The following FAM149A variants were observed in gnomAD, a reference collection of about 807,000 sequenced individuals.
FAM149A encodes the protein family with sequence similarity 149 member A, also known as protein FAM149A.
Under a neutral mutation model 78.2 loss-of-function variants are expected in FAM149A, and 71 were observed. That is an observed-to-expected ratio of 0.91 (90% CI 0.75 to 1.11). FAM149A has a LOEUF of 1.11. Among genes scored for constraint, FAM149A ranks in the 50% least tolerant of loss-of-function variants. FAM149A has a pLI of 0.00. For missense variants in FAM149A, 1,036 were observed against 971.0 expected, an observed-to-expected ratio of 1.07 and a Z score of -0.89; for synonymous variants, 446 against 410.5, an observed-to-expected ratio of 1.09 and a Z score of -1.04.
rs1733623169 is a variant in FAM149A, at chr4:186,152,057, G to T, written c.932+12G>T. On this transcript the variant is annotated intron_variant, in intron 4 of 13. Transcript: ENST00000389354. Reference sequence around the variant, plus strand: ...TCCCTCCATTTGAGGTGGGACCTTGGTGGTGGAAGTTCTCTGGGGTGGGTT... The same window carrying T: ...TCCCTCCATTTGAGGTGGGACCTTGTTGGTGGAAGTTCTCTGGGGTGGGTT... 3.1e-6 allele frequency: 5 copies of T among 1,612,958 alleles called. No individual in the cohort carries two copies. Among genetic ancestry groups the T allele is most frequent in the Non-Finnish European group, 4.2e-6 (5 of 1,179,888 alleles).
intron 4 of FAM149A, chr4:186,153,410 G>C (rs1733771154): frequency 1.0e-6 from 1 of 985,044 alleles, no homozygotes; most frequent in Admixed American, 6.2e-5. Context: ...TTTTGCAAAT[G>C]AAAGACAAAC....
At position 186,149,165 on chromosome 4, in the gene FAM149A, A is replaced by C. The variant is rs754054209; in HGVS notation, c.567-8A>C. 2.4e-6 allele frequency: 3 copies of C among 1,273,968 alleles called. No homozygotes were observed. The South Asian group carries it at 3.9e-5, about 17-fold the overall frequency. The allele number at this position is 1,273,968 out of a possible 1,614,324, so 78.9% of individuals were successfully genotyped here. ...AGGGAGACTCGTCATGTTTTATTTT[A>C]TTTCCAGAAGAGGACTGTCAGAAGG... On this transcript the variant is annotated splice_polypyrimidine_tract_variant and splice_region_variant and intron_variant, in intron 1 of 13. Coordinates refer to ENST00000389354, the MANE Select transcript of FAM149A (RefSeq NM_001367768.3).
chr4:186,153,141 G>A (rs899736149), intron 4 of FAM149A: 4 of 387,624 alleles, frequency 1.0e-5, no homozygotes, highest in East Asian at 3.2e-4. Context: ...CCAGAAATTC[G>A]GGAGCTCACA....
chr4:186,157,473 A>T, intron 7 of FAM149A, 92 bp from the exon 8 acceptor site: 1 of 1,334,538 alleles, frequency 7.5e-7, no homozygotes. Flanking sequence ...GTGGTAGCTC[A>T]AGCACACATA....
intron 1 of FAM149A, among the ~76,000 whole-genome samples, chr4:186,121,953 C>T (rs1265754983): frequency 6.6e-6 from 1 of 152,182 alleles, no homozygotes; most frequent in African/African-American, 2.4e-5. Context: ...GCCGACCAAC[C>T]CAGATCCAGC....
At chr4:186,120,793 CAAAA>C (rs555497937) in intron 1 of FAM149A, among the ~76,000 whole-genome samples, 1 of 66,078 alleles carries the variant, frequency 1.5e-5, no homozygotes. Context: ...GACTCCATCT[CAAAA>C]AAAAAAAAAA....
intron 1 of FAM149A, among the ~76,000 whole-genome samples, chr4:186,111,424 CT>C (rs2099311234): frequency 6.6e-6 from 1 of 151,948 alleles, no homozygotes; most frequent in Non-Finnish European, 1.5e-5. Context: ...TCAATTTTGT[CT>C]TTTGTTGCCA....
At chr4:186,157,490 T>A (rs1734136624) in intron 7 of FAM149A, 75 bp from the exon 8 acceptor site, 1 of 1,472,082 alleles carries the variant, frequency 6.8e-7, no homozygotes, top group East Asian at 2.3e-5. Flanking sequence ...CATATTCTCT[T>A]TCAAGAGTGA....
At chr4:186,153,809 C>A in intron 5 of FAM149A, 39 bp downstream of exon 5, 2 of 1,567,038 alleles carry the variant, frequency 1.3e-6, no homozygotes, top group Non-Finnish European at 1.7e-6. Flanking sequence ...GTATTGTTAG[C>A]TGTATTTTAG....
At chr4:186,123,455 G>C in intron 1 of FAM149A, 2 of 781,488 alleles carry the variant, frequency 2.6e-6, no homozygotes, top group South Asian at 5.8e-5. Context: ...GAAATGCAAG[G>C]CCCTTCATGG....
intron 7 of FAM149A, 83 bp from the exon 8 acceptor site, chr4:186,157,482 T>C (rs944641357): frequency 1.9e-5 from 27 of 1,411,624 alleles, no homozygotes; most frequent in Non-Finnish European, 2.7e-5. Context: ...CAAGCACACA[T>C]ATTCTCTTTC....
intron 13 of FAM149A, chr4:186,169,061 C>A (rs757970338): frequency 6.3e-6 from 2 of 317,028 alleles, no homozygotes; most frequent in South Asian, 2.5e-4. Context: ...GACTACAGCA[C>A]GCCGAGTGGA....
At chr4:186,112,994 C>A (rs2099311941) in intron 1 of FAM149A, among the ~76,000 whole-genome samples, 1 of 140,144 alleles carries the variant, frequency 7.1e-6, no homozygotes, top group South Asian at 2.5e-4. Context: ...CCTTGTACCT[C>A]TGATAGAATT....
chr4:186,108,667 T>G (rs1401570), intron 1 of FAM149A, among the ~76,000 whole-genome samples: 92,170 of 151,782 alleles, frequency 0.61, 28,786 homozygotes, highest in East Asian at 0.7. Context: ...TCACCTCACT[T>G]TCCTGCATCC....
chr4:186,130,293 C>CTCTCTCTCTATATA, intron 1 of FAM149A: 190 of 46,548 alleles, frequency 4.1e-3, no homozygotes, highest in Admixed American at 0.019. Flanking sequence ...CTCTCTCTCT[C>CTCTCTCTCTATATA]TATATATATA....
rs961189250 is a variant in FAM149A at position 186,144,744 on chromosome 4, G to A, written c.567-4429G>A. 3.4e-6 allele frequency: 3 copies of A among 889,752 alleles called. No homozygotes were observed. The African/African-American group carries it at 5.5e-5, about 16-fold the overall frequency. The allele number at this position is 889,752 out of a possible 1,614,324, so 55.1% of individuals were successfully genotyped here. On this transcript the variant is annotated intron_variant, in intron 1 of 13. Coordinates refer to ENST00000389354, the MANE Select transcript of FAM149A (RefSeq NM_001367768.3). The surrounding 1 kb of genome is among the most constrained non-coding windows in gnomAD (Gnocchi z 4.2). ...GGCGCGGGGCCGGGGCCGGGGCCGG[G>A]GCCCGGAGCGGGGATGGGCGGGCGC... is the stretch of plus-strand genomic sequence containing the variant.
At chr4:186,122,258 A>G (rs1331652054) in intron 1 of FAM149A, among the ~76,000 whole-genome samples, 4 of 152,236 alleles carry the variant, frequency 2.6e-5, no homozygotes, top group African/African-American at 9.6e-5. Context: ...AAGGCGGAAG[A>G]ACCATTTTCT....
chr4:186,105,495 TC>T lies in FAM149A; in HGVS notation c.423del (p.Arg142GlyfsTer62). 2 of 1,194,582 alleles carry T rather than the reference TC, an allele frequency of 1.7e-6. No homozygotes were observed. Among genetic ancestry groups the T allele is most frequent in the Non-Finnish European group, 2.1e-6 (2 of 950,012 alleles). The allele number at this position is 1,194,582 out of a possible 1,614,324, so 74.0% of individuals were successfully genotyped here. ...GGCCCCGGCGGGGTCTGGGCCGCGC[TC>T]CCCAGGAACCCGCTCCAGCCTGGCC... is the stretch of plus-strand genomic sequence containing the variant. On this transcript the variant is annotated frameshift_variant, in exon 1 of 14. Transcript: ENST00000389354. LOFTEE classifies it high-confidence loss of function.
At chr4:186,163,070 G>A in intron 9 of FAM149A, 122 bp downstream of exon 9, 1 of 669,284 alleles carries the variant, frequency 1.5e-6, no homozygotes, top group Non-Finnish European at 2.7e-6. Flanking sequence ...CTTCAGATGT[G>A]CCTGAGCACG....
Sources: allele counts gnomAD v4.1 joint callset (sites outside exome capture counted in the v4.1 genomes callset), GRCh38; gene constraint gnomAD v4.1.1; non-coding constraint Gnocchi (gnomAD v3.1); transcripts MANE v1.5; gene names NCBI Gene and HGNC (gene_info 2026-07-23, HGNC 2026-07-21).